OR51E2: variants seen among roughly 807,000 people sequenced by gnomAD.
OR51E2 encodes the protein olfactory receptor family 51 subfamily E member 2.
Under a neutral mutation model 13.7 loss-of-function variants are expected in OR51E2, and 14 were observed. The observed-to-expected ratio is 1.02, with a 90% confidence interval of 0.68 to 1.60. The LOEUF (loss-of-function observed/expected upper bound fraction) is 1.60. Among genes scored for constraint, OR51E2 ranks in the 40% most tolerant of loss-of-function variants. The pLI is 0.00. For synonymous variants in OR51E2, 180 were observed against 157.6 expected, an observed-to-expected ratio of 1.14 and a Z score of -1.07; for missense variants, 483 against 413.8, an observed-to-expected ratio of 1.17 and a Z score of -1.45.
intron 1 of OR51E2, among the ~76,000 whole-genome samples, chr11:4,687,249 A>G (rs1210771960): frequency 1.3e-5 from 2 of 152,160 alleles, no homozygotes; most frequent in African/African-American, 4.8e-5. Context: ...GGTACGTATT[A>G]GGGAATAGAA....
chr11:4,682,600 T>A lies in OR51E2; in HGVS notation c.112A>T (p.Met38Leu). Residue 38 changes from methionine to leucine, a missense_variant, in exon 2 of 2, where the codon ATG becomes TTG. Met to Leu is a conservative substitution (Grantham distance 15, BLOSUM62 2). Coordinates refer to ENST00000396950, the MANE Select transcript of OR51E2 (RefSeq NM_030774.4). The part of the protein sequence containing the change: ...FPLLSMYVVA[M>L]FGNCIVVFIV... The stretch of plus-strand genomic sequence containing the variant: ...AAGACCACGATGCAGTTTCCAAACA[T>A]TGCCACTACATACATGGAAAGGAGG... 1 of 1,614,128 alleles carries A rather than the reference T, an allele frequency of 6.2e-7. No individual in the cohort carries two copies. Among genetic ancestry groups the A allele is most frequent in the South Asian group, 1.1e-5 (1 of 91,074 alleles).
At position 4,680,677 on chromosome 11, in the gene OR51E2, A is replaced by T. The variant is rs1364826005; in HGVS notation, c.*1072T>A. On this transcript the variant is annotated 3_prime_UTR_variant, in exon 2 of 2. Transcript: ENST00000396950. ...GACACAAATGGTACCTACTCCATAA[A>T]GTTACGAAGAACACATAAAACCTGT... is the stretch of plus-strand genomic sequence containing the variant. 6.6e-6 allele frequency: 1 copy of T among 152,648 alleles called. No individual in the cohort carries two copies. Among genetic ancestry groups the T allele is most frequent in the Non-Finnish European group, 1.5e-5 (1 of 68,044 alleles). The allele number at this position is 152,648 out of a possible 1,614,324, so 9.5% of individuals were successfully genotyped here. A position where few individuals can be genotyped will look rare whatever the true frequency, so the allele number is the denominator to read the frequency against.
intron 1 of OR51E2, chr11:4,692,136 C>G (rs1207094150): frequency 2.2e-6 from 1 of 451,352 alleles, no homozygotes; most frequent in East Asian, 7.0e-5. Context: ...TACACTGGGG[C>G]TGTGGAACAG....
chr11:4,681,625 T>C lies in OR51E2; in HGVS notation c.*124A>G. ...GTCCTTTAGGTAGATGTACCATACTTTAGTTTACTATTCCAGCCAGAGAAA... is the reference window on the plus strand; with the variant it reads ...GTCCTTTAGGTAGATGTACCATACTCTAGTTTACTATTCCAGCCAGAGAAA... On this transcript the variant is annotated 3_prime_UTR_variant, in exon 2 of 2. Coordinates refer to ENST00000396950, the MANE Select transcript of OR51E2 (RefSeq NM_030774.4). The C allele has an allele frequency of 9.8e-7, 1 of 1,022,426 alleles. No homozygotes were observed. Among genetic ancestry groups the C allele is most frequent in the Non-Finnish European group, 1.5e-6 (1 of 683,160 alleles). The allele number at this position is 1,022,426 out of a possible 1,614,324, so 63.3% of individuals were successfully genotyped here. A position where few individuals can be genotyped will look rare whatever the true frequency, so the allele number is the denominator to read the frequency against.
intron 1 of OR51E2, among the ~76,000 whole-genome samples, chr11:4,688,540 C>G (rs956142905): frequency 1.3e-5 from 2 of 152,134 alleles, no homozygotes; most frequent in Non-Finnish European, 1.5e-5. Context: ...TTTATAGTGA[C>G]TGTGAATTTT....
Position 4,682,197 on chromosome 11 carries a change from A to G in OR51E2, c.515T>C (p.Val172Ala), listed in dbSNP as rs1847460602. The G allele has an allele frequency of 1.2e-6, 2 of 1,614,080 alleles. No homozygotes were observed. Among genetic ancestry groups the G allele is most frequent in the African/African-American group, 2.7e-5 (2 of 74,920 alleles). ...IKRLAFCHSN[V>A]LSHSYCVHQD... ...GTGGACACAATAGGAGTGCGAGAGG[A>G]CATTGGAGTGGCAGAAGGCCAGCCG... The change falls in exon 2 of 2, where the codon GTC (valine) becomes GCC (alanine). Residue 172 changes from valine to alanine, a missense_variant. Transcript: ENST00000396950.
rs1204034175 is a variant in OR51E2 at position 4,681,812 on chromosome 11, T to G, written c.900A>C (p.Thr300=). The change falls in exon 2 of 2, where the codon ACA becomes ACC. Residue 300 remains threonine (T), a synonymous_variant. Transcript: ENST00000396950. ...TGATCTTGAACATAGCCAGCACCCG[T>G]GTTCTGATCTGTTTGGTTTTGGCAC... ...IYGAKTKQIR[T]RVLAMFKISC... 2 of 1,614,044 alleles carry G rather than the reference T, an allele frequency of 1.2e-6. No individual in the cohort carries two copies. The highest frequency in any genetic ancestry group is 1.7e-6 in the Non-Finnish European group (2 of 1,180,034).
intron 1 of OR51E2, among the ~76,000 whole-genome samples, chr11:4,689,922 C>A (rs1436248367): frequency 1.3e-5 from 2 of 149,550 alleles, no homozygotes; most frequent in African/African-American, 4.9e-5. Context: ...TTTTTTACTT[C>A]TTTATGTTTC....
At chr11:4,689,505 G>A (rs926979914) in intron 1 of OR51E2, among the ~76,000 whole-genome samples, 3 of 152,126 alleles carry the variant, frequency 2.0e-5, no homozygotes, top group Non-Finnish European at 4.4e-5. Context: ...CTGTAGATAC[G>A]AATGATTACT....
Position 4,682,134 on chromosome 11 carries a change from G to A in OR51E2, c.578C>T (p.Pro193Leu), listed in dbSNP as rs1366024123. ...VMKLAYADTLPNVVYGLTAIL... is the reference protein window; with the variant it reads ...VMKLAYADTLLNVVYGLTAIL... ...GGCAGTAAGACCATATACCACATTG[G>A]GCAAAGTGTCTGCATAGGCCAACTT... Residue 193 changes from proline to leucine, a missense_variant, in exon 2 of 2, where the codon CCC becomes CTC. Pro to Leu is a moderately conservative substitution (Grantham distance 98). Transcript: ENST00000396950. 14 of 1,614,070 alleles carry A rather than the reference G, an allele frequency of 8.7e-6. No individual in the cohort carries two copies. The highest frequency in any genetic ancestry group is 2.2e-5 in the East Asian group (1 of 44,894).
At chr11:4,693,548 C>T (rs1035480895) in intron 1 of OR51E2, among the ~76,000 whole-genome samples, 1 of 152,056 alleles carries the variant, frequency 6.6e-6, no homozygotes, top group African/African-American at 2.4e-5. Flanking sequence ...GGTGAAACCT[C>T]GTCTCTACTA....
Position 4,690,833 on chromosome 11 carries a change from G to A in OR51E2, c.-51+6820C>T, listed in dbSNP as rs938038409. On this transcript the variant is annotated intron_variant, in intron 1 of 1. Transcript: ENST00000396950. The stretch of plus-strand genomic sequence containing the variant: ...TGGTTTTCACACTGTAGATGACAGG[G>A]TTCATCAAAGGGGAGATCAGCAGGT... 19 of 454,346 alleles carry A rather than the reference G, an allele frequency of 4.2e-5. No individual in the cohort carries two copies. The Admixed American group carries it at 4.5e-4, about 11-fold the overall frequency. The allele number at this position is 454,346 out of a possible 1,614,324, so 28.1% of individuals were successfully genotyped here. A position where few individuals can be genotyped will look rare whatever the true frequency, so the allele number is the denominator to read the frequency against.
chr11:4,688,519 AT>A (rs1278501640), intron 1 of OR51E2, among the ~76,000 whole-genome samples: 1 of 152,186 alleles, frequency 6.6e-6, no homozygotes, highest in Non-Finnish European at 1.5e-5. Flanking sequence ...TCATATAGAT[AT>A]TTATATGCTT....
In OR51E2 at chr11:4,682,006, C is replaced by G. The variant is rs367907118; in HGVS notation, c.706G>C (p.Ala236Pro). The G allele has an allele frequency of 1.2e-6, 2 of 1,614,090 alleles. No homozygotes were observed. Among genetic ancestry groups the G allele is most frequent in the Admixed American group, 1.7e-5 (1 of 60,000 alleles). ...QLPSKSERAK[A>P]FGTCVSHIGV... ...ATGTGTGACACACAGGTTCCAAAGGCCTTGGCCCGCTCTGACTTGGAAGGC... is the reference window on the plus strand; with the variant it reads ...ATGTGTGACACACAGGTTCCAAAGGGCTTGGCCCGCTCTGACTTGGAAGGC... Residue 236 changes from alanine (A) to proline (P), a missense_variant, in exon 2 of 2, where the codon GCC (alanine) becomes CCC (proline). Physicochemically the swap from Ala to Pro is conservative, Grantham distance 27. Coordinates refer to ENST00000396950, the MANE Select transcript of OR51E2 (RefSeq NM_030774.4).
chr11:4,694,258 A>G (rs1847624592), intron 1 of OR51E2, among the ~76,000 whole-genome samples: 1 of 151,818 alleles, frequency 6.6e-6, no homozygotes, highest in Non-Finnish European at 1.5e-5. Flanking sequence ...AGAAAACCAT[A>G]GTGTATATAT....
chr11:4,697,265 C>G (rs1426606807), intron 1 of OR51E2, among the ~76,000 whole-genome samples: 1 of 152,088 alleles, frequency 6.6e-6, no homozygotes, highest in African/African-American at 2.4e-5. Flanking sequence ...TTTCTGTGAC[C>G]CAGTTTCCTC....
chr11:4,697,137 T>A (rs928142506), intron 1 of OR51E2, among the ~76,000 whole-genome samples: 2 of 152,224 alleles, frequency 1.3e-5, no homozygotes, highest in Non-Finnish European at 2.9e-5. Flanking sequence ...TGAAACATAT[T>A]TGAAATCACA....
rs1162032154 is a variant in OR51E2, at chr11:4,682,374, A to G, written c.338T>C (p.Ile113Thr). The G allele has an allele frequency of 1.9e-6, 3 of 1,614,166 alleles. No individual in the cohort carries two copies. The highest frequency in any genetic ancestry group is 3.3e-5 in the Admixed American group (2 of 60,024). ...ACGGTCAAAGGCCATGGCCAGCAGGATGGTGGATTCAATGGCTGAGAGGGC... is the reference window on the plus strand; with the variant it reads ...ACGGTCAAAGGCCATGGCCAGCAGGGTGGTGGATTCAATGGCTGAGAGGGC... ...IHALSAIEST[I>T]LLAMAFDRYV... Residue 113 changes from isoleucine (I) to threonine (T), a missense_variant, in exon 2 of 2, where the codon ATC becomes ACC. Physicochemically the swap from Ile to Thr is moderately conservative, Grantham distance 89. Coordinates refer to ENST00000396950, the MANE Select transcript of OR51E2 (RefSeq NM_030774.4).
At chr11:4,697,615 A>T (rs1296790946) in intron 1 of OR51E2, 38 bp downstream of exon 1, 1 of 152,662 alleles carries the variant, frequency 6.6e-6, no homozygotes, top group Non-Finnish European at 1.5e-5. Context: ...ATTCATCTAG[A>T]GTCAAGCATT....
Sources: allele counts gnomAD v4.1 joint callset (sites outside exome capture counted in the v4.1 genomes callset), GRCh38; gene constraint gnomAD v4.1.1; transcripts MANE v1.5; gene names NCBI Gene and HGNC (gene_info 2026-07-23, HGNC 2026-07-21).